The following RBFOX1 variants were observed in gnomAD, a reference collection of about 807,000 sequenced individuals.
RBFOX1 encodes RNA binding protein fox-1 homolog 1.
RBFOX1 carries 8 observed loss-of-function variants against 57.7 expected under a neutral mutation model. The ratio of observed to expected loss-of-function variants is 0.14; its 90% CI spans 0.08 to 0.25. The LOEUF is 0.25. RBFOX1 is among the 10% of genes least tolerant of loss of function. The pLI, the probability that RBFOX1 is intolerant of heterozygous loss-of-function variation, is 1.00. For synonymous variants in RBFOX1, 326 were observed against 222.4 expected (o/e 1.47, Z -4.15); for missense variants, 611 against 548.5 (o/e 1.11, Z -1.14).
At chr16:6,868,913 G>A (rs571020010) in intron 3 of RBFOX1, among the ~76,000 whole-genome samples, 29 of 152,294 alleles carry the variant, frequency 1.9e-4, no homozygotes, top group African/African-American at 6.5e-4. Context: ...GTGACATTTT[G>A]TGAGTTACCA....
intron 4 of RBFOX1, among the ~76,000 whole-genome samples, chr16:7,182,418 G>A (rs1397535752): frequency 6.6e-6 from 1 of 152,140 alleles, no homozygotes; most frequent in African/African-American, 2.4e-5. Flanking sequence ...ATTCGTTCAT[G>A]TTCTTGGCTC....
intron 3 of RBFOX1, among the ~76,000 whole-genome samples, chr16:7,019,960 C>T (rs1283359172): frequency 6.6e-6 from 1 of 151,882 alleles, no homozygotes; most frequent in Admixed American, 6.6e-5. Flanking sequence ...AAACTATATT[C>T]CCTTTCTTCT....
At chr16:7,687,270 G>T (rs1399183139) in intron 14 of RBFOX1, among the ~76,000 whole-genome samples, 4 of 152,194 alleles carry the variant, frequency 2.6e-5, no homozygotes, top group Non-Finnish European at 5.9e-5. Context: ...TTCTGGAGTA[G>T]AGTATTAGTA....
chr16:7,601,911 C>T (rs541332963), intron 9 of RBFOX1, among the ~76,000 whole-genome samples: 1 of 152,120 alleles, frequency 6.6e-6, no homozygotes, highest in African/African-American at 2.4e-5. Context: ...AACAAAACAC[C>T]TTTGTACCCA....
chr16:6,762,450 T>C (rs2076742147), intron 3 of RBFOX1, among the ~76,000 whole-genome samples: 1 of 152,136 alleles, frequency 6.6e-6, no homozygotes, highest in African/African-American at 2.4e-5. Context: ...ATGGATTACC[T>C]ACCTGTAAGA....
chr16:7,076,795 A>G (rs1231783763), intron 4 of RBFOX1, among the ~76,000 whole-genome samples: 2 of 152,240 alleles, frequency 1.3e-5, no homozygotes, highest in Non-Finnish European at 2.9e-5. Context: ...GTCATGGTTT[A>G]TATGCCCACT....
At chr16:7,269,454 G>A (rs2153106609) in intron 4 of RBFOX1, among the ~76,000 whole-genome samples, 1 of 152,204 alleles carries the variant, frequency 6.6e-6, no homozygotes, top group South Asian at 2.1e-4. Flanking sequence ...GTGTATGTGT[G>A]TTTGTGGGAC....
chr16:6,676,976 G>A (rs542363230), intron 3 of RBFOX1, among the ~76,000 whole-genome samples: 7 of 152,006 alleles, frequency 4.6e-5, no homozygotes, highest in Middle Eastern at 3.4e-3. Context: ...ATGCCCAGCC[G>A]TTAACTCAAC....
rs1331956740 is a variant in RBFOX1, at chr16:7,089,921, A to AG, written c.27+37823_27+37824insG. Among the ~76,000 whole-genome samples the AG allele has an allele frequency of 2.6e-4, 40 of 151,880 alleles. 1 individual carries two copies. On this transcript the variant is annotated intron_variant, in intron 4 of 15. Coordinates refer to ENST00000550418, the MANE Select transcript of RBFOX1 (RefSeq NM_018723.4). ...GATTTTTTTTCTGCATTCAAAAAAA[A>AG]AATGGCAGAGACTTTAAATTGGAAC...
Position 7,538,197 on chromosome 16 carries a change from G to C in RBFOX1, c.270+19808G>C, listed in dbSNP as rs1269842136. Among the ~76,000 whole-genome samples the C allele has an allele frequency of 2.6e-5, 4 of 152,188 alleles. No individual in the cohort carries two copies. In the East Asian group the frequency reaches 7.7e-4, roughly 29 times the overall value. ...GAAGATCTGAGAGTGAGAGTTTGTT[G>C]AGGAAGGCTATCTCGTGCCTGGGCT... On this transcript the variant is annotated intron_variant, in intron 5 of 15. Coordinates refer to ENST00000550418, the MANE Select transcript of RBFOX1 (RefSeq NM_018723.4).
intron 3 of RBFOX1, among the ~76,000 whole-genome samples, chr16:5,645,230 C>T (rs1219294598): frequency 6.8e-6 from 1 of 147,830 alleles, no homozygotes; most frequent in Non-Finnish European, 1.5e-5. Flanking sequence ...GCCTGGGCAG[C>T]AAAAATGAAG....
intron 4 of RBFOX1, among the ~76,000 whole-genome samples, chr16:5,934,755 T>TG (rs1211427135): frequency 2.0e-5 from 3 of 152,182 alleles, no homozygotes; most frequent in Non-Finnish European, 4.4e-5. Flanking sequence ...TTAATTAATG[T>TG]GGGGGACTGA....
intron 1 of RBFOX1, among the ~76,000 whole-genome samples, chr16:6,117,704 AC>A (rs562054535): frequency 7.9e-4 from 120 of 152,380 alleles, no homozygotes; most frequent in Non-Finnish European, 1.5e-3. Context: ...TGTGAGAAAT[AC>A]GTTTCTGTTC....
chr16:6,591,012 G>C (rs1264964760), intron 2 of RBFOX1, among the ~76,000 whole-genome samples: 1 of 152,176 alleles, frequency 6.6e-6, no homozygotes, highest in Non-Finnish European at 1.5e-5. Context: ...TCTGAACTTG[G>C]TTTTGGCACT....
intron 3 of RBFOX1, among the ~76,000 whole-genome samples, chr16:6,846,641 G>A (rs1348963808): frequency 1.3e-5 from 2 of 152,174 alleles, no homozygotes; most frequent in Admixed American, 6.5e-5. Context: ...TGGGAAAACA[G>A]TTGAGCATCT....
In RBFOX1 at chr16:5,792,160, A is replaced by G. The variant is rs1475486952; in HGVS notation, c.319-75143A>G. Among the ~76,000 whole-genome samples the G allele has an allele frequency of 2.0e-5, 3 of 152,232 alleles. No homozygotes were observed. The South Asian group carries it at 6.2e-4, about 32-fold the overall frequency. ...CGGGACCCCAGTCTAAGGGGCTGAT[A>G]AAAGAGAACCTGGGACAAGGCCAAT... On this transcript the variant is annotated intron_variant, in intron 3 of 19. Transcript: ENST00000641259.
chr16:7,384,298 A>G (rs1274141440), intron 4 of RBFOX1, among the ~76,000 whole-genome samples: 1 of 152,126 alleles, frequency 6.6e-6, no homozygotes, highest in Non-Finnish European at 1.5e-5. Flanking sequence ...AAGCAGGGAA[A>G]AGGGGACAGT....
intron 3 of RBFOX1, among the ~76,000 whole-genome samples, chr16:5,796,348 C>G (rs2151743779): frequency 6.6e-6 from 1 of 152,298 alleles, no homozygotes; most frequent in Admixed American, 6.5e-5. Flanking sequence ...AGCAAGGAAT[C>G]AGGAATGAGT....
At chr16:5,927,184 C>T (rs1382583954) in intron 4 of RBFOX1, among the ~76,000 whole-genome samples, 1 of 152,118 alleles carries the variant, frequency 6.6e-6, no homozygotes, top group Admixed American at 6.5e-5. Flanking sequence ...GAAAGTAAAA[C>T]AATGTTACTA....
Sources: allele counts gnomAD v4.1 joint callset (sites outside exome capture counted in the v4.1 genomes callset), GRCh38; gene constraint gnomAD v4.1.1; transcripts MANE v1.5; gene names NCBI Gene and HGNC (gene_info 2026-07-23, HGNC 2026-07-21).